Variants in STK31 observed in about 807,000 individuals in gnomAD.
The protein encoded by STK31 is serine/threonine-protein kinase 31.
A neutral mutation model predicts 129.7 loss-of-function variants in STK31; 89 were observed. That is an observed-to-expected ratio of 0.69 (90% CI 0.58 to 0.82). The LOEUF (loss-of-function observed/expected upper bound fraction) is 0.82. Among genes scored for constraint, STK31 ranks in the 40% least tolerant of loss-of-function variants. The pLI is 0.00. For missense variants in STK31, 1,187 were observed against 1,176.4 expected (o/e 1.01, Z -0.13); for synonymous variants, 448 against 395.3 (o/e 1.13, Z -1.58).
At chr7:23,799,944 CA>C (rs1306066359) in intron 22 of STK31, among the ~76,000 whole-genome samples, 1 of 152,166 alleles carries the variant, frequency 6.6e-6, no homozygotes, top group Non-Finnish European at 1.5e-5. Flanking sequence ...CGACACTTCT[CA>C]AAAGAAGACA....
At position 23,813,086 on chromosome 7, in the gene STK31, T is replaced by TTA. The variant is rs200462721; in HGVS notation, c.2761-2057_2761-2056insAT. Among the ~76,000 whole-genome samples the TTA allele has an allele frequency of 7.3e-3, 879 of 121,102 alleles. 12 individuals are homozygous for TTA. The highest frequency in any genetic ancestry group is 0.031 in the African/African-American group (836 of 26,596). 79.4% of individuals were successfully genotyped at this position (121,102 alleles called of 152,430 possible). The stretch of plus-strand genomic sequence containing the variant: ...CCTTGAGGCTCTCTGTTCTTTTTTT[T>TTA]TTTTTTTTTTTTGTCTGTTTTCTCT... On this transcript the variant is annotated intron_variant, in intron 22 of 23. Coordinates refer to ENST00000355870, the MANE Select transcript of STK31 (RefSeq NM_031414.5).
At chr7:23,718,369 ATATATCTCT>A (rs935072626) in intron 4 of STK31, among the ~76,000 whole-genome samples, 4 of 152,160 alleles carry the variant, frequency 2.6e-5, no homozygotes, top group Admixed American at 2.6e-4. Flanking sequence ...ACAGTAAGGT[ATATATCTCT>A]TAAGATCCTA....
chr7:23,775,247 A>G (rs11761765), intron 15 of STK31, among the ~76,000 whole-genome samples: 26,516 of 151,996 alleles, frequency 0.17, 2,329 homozygotes, highest in East Asian at 0.22. Flanking sequence ...TAGTATAGTT[A>G]AAGTCAGGTA....
intron 22 of STK31, among the ~76,000 whole-genome samples, chr7:23,798,823 A>T (rs1433384422): frequency 6.6e-6 from 1 of 152,240 alleles, no homozygotes; most frequent in East Asian, 1.9e-4. Flanking sequence ...TGTGCAGATG[A>T]CATGATTGTA....
Position 23,769,646 on chromosome 7 carries a change from G to C in STK31, c.1603G>C (p.Asp535His). ...GTTTATTTTTGCAAATGAGGTTTTT[G>C]ACCTATCTGTGGAAGGATCACTGAT... ...AWFQRTLKVF[D>H]LSVEGSLISE... The change falls in exon 13 of 24, where the codon GAC becomes CAC. Residue 535 changes from aspartate (D) to histidine (H), a missense_variant. By Grantham distance (81) the Asp-to-His change is moderately conservative. Coordinates refer to ENST00000355870, the MANE Select transcript of STK31 (RefSeq NM_031414.5). 1 of 1,604,086 alleles carries C rather than the reference G, an allele frequency of 6.2e-7. No individual in the cohort carries two copies.
At chr7:23,786,421 T>A in intron 18 of STK31, 87 bp from the exon 19 acceptor site, 1 of 1,276,190 alleles carries the variant, frequency 7.8e-7, no homozygotes. Flanking sequence ...TAACTTAAAA[T>A]AATGAATTAT....
At chr7:23,798,071 A>T (rs192467747) in intron 22 of STK31, among the ~76,000 whole-genome samples, 15 of 152,340 alleles carry the variant, frequency 9.8e-5, no homozygotes, top group African/African-American at 3.4e-4. Flanking sequence ...ATCCCTGAAT[A>T]GACCAACAAT....
intron 22 of STK31, chr7:23,811,067 CG>C (rs1321204485): frequency 6.3e-6 from 1 of 158,654 alleles, no homozygotes; most frequent in African/African-American, 2.4e-5. Flanking sequence ...GTCTAAAGGC[CG>C]GGTGTTGTGT....
intron 18 of STK31, 141 bp from the exon 19 acceptor site, chr7:23,786,367 T>C: frequency 1.1e-6 from 1 of 914,524 alleles, no homozygotes; most frequent in Non-Finnish European, 1.4e-6. Context: ...TCAAAGAAGA[T>C]AGAAAAGTAC....
At position 23,754,373 on chromosome 7, in the gene STK31, G is replaced by A. The variant is rs933059550; in HGVS notation, c.1192G>A (p.Asp398Asn). 15 of 1,613,922 alleles carry A rather than the reference G, an allele frequency of 9.3e-6. No individual in the cohort carries two copies. Among genetic ancestry groups the A allele is most frequent in the Non-Finnish European group, 1.1e-5 (13 of 1,179,984 alleles). ...KDLSDAIQVL[D>N]EGCFTTPASL... ...CCTTTCAGATGCTATACAAGTGTTG[G>A]ATGAAGGGTGCTTTACTACTCCAGC... The change falls in exon 10 of 24, where the codon GAT becomes AAT. Residue 398 changes from aspartate (D) to asparagine (N), a missense_variant. Coordinates refer to ENST00000355870, the MANE Select transcript of STK31 (RefSeq NM_031414.5).
intron 15 of STK31, among the ~76,000 whole-genome samples, chr7:23,776,658 TG>T (rs1790566375): frequency 6.6e-6 from 1 of 152,234 alleles, no homozygotes; most frequent in African/African-American, 2.4e-5. Context: ...CTTGGATTTC[TG>T]TGGGATCAGT....
chr7:23,786,571 G>A lies in STK31; in HGVS notation c.2338G>A (p.Ala780Thr), dbSNP rs140033986. 3.8e-4 allele frequency: 607 copies of A among 1,613,804 alleles called. 1 individual carries two copies. Among genetic ancestry groups the A allele is most frequent in the Non-Finnish European group, 4.8e-4 (564 of 1,179,828 alleles). Reference protein sequence around the residue: ...VIERAATYHRAWREAEGDSGL... With the variant: ...VIERAATYHRTWREAEGDSGL... ...TGAGAGAGCAGCCACCTACCATAGAGCTTGGAGAGAAGCTGAAGGAGACTC... is the reference window on the plus strand; with the variant it reads ...TGAGAGAGCAGCCACCTACCATAGAACTTGGAGAGAAGCTGAAGGAGACTC... Residue 780 changes from alanine (A) to threonine (T), a missense_variant, in exon 19 of 24, where the codon GCT becomes ACT. Coordinates refer to ENST00000355870, the MANE Select transcript of STK31 (RefSeq NM_031414.5).
intron 16 of STK31, 100 bp downstream of exon 16, chr7:23,781,620 G>T: frequency 1.3e-6 from 1 of 764,636 alleles, no homozygotes; most frequent in East Asian, 2.8e-5. Flanking sequence ...AAGGCTAGAG[G>T]TATTATATAG....
intron 18 of STK31, among the ~76,000 whole-genome samples, chr7:23,785,849 T>TG: frequency 4.5e-5 from 2 of 44,268 alleles, no homozygotes; most frequent in East Asian, 5.8e-4. Flanking sequence ...TGTCATGGGG[T>TG]GGGGGGCAGG....
At chr7:23,827,128 A>G (rs948444534) in intron 23 of STK31, among the ~76,000 whole-genome samples, 3 of 152,024 alleles carry the variant, frequency 2.0e-5, no homozygotes, top group African/African-American at 7.2e-5. Flanking sequence ...TATTTCCTGA[A>G]TTTGAATGTT....
chr7:23,710,909 AAGTTATTACAGCTTTTCAGTC>A, intron 1 of STK31: 1 of 597,758 alleles, frequency 1.7e-6, no homozygotes, highest in Non-Finnish European at 2.1e-6. Flanking sequence ...GTCTCCCTAA[AAGTTATTACAGCTTTTCAGTC>A]AGTTGAATTT....
intron 22 of STK31, among the ~76,000 whole-genome samples, chr7:23,793,609 C>T (rs1431089472): frequency 6.6e-6 from 1 of 152,178 alleles, no homozygotes; most frequent in East Asian, 1.9e-4. Context: ...AAGGTGTCCA[C>T]ATGGCATGTA....
chr7:23,750,875 G>T (rs1174299142), intron 8 of STK31, among the ~76,000 whole-genome samples: 2 of 152,160 alleles, frequency 1.3e-5, no homozygotes. Flanking sequence ...ATTTCTGTGT[G>T]TTGGGAACAT....
Position 23,783,611 on chromosome 7 carries a change from G to T in STK31, c.2096G>T (p.Trp699Leu), listed in dbSNP as rs772027947. ...ATGCTAACTAGTTTGGCACAGAAAT[G>T]GTTCCCTGAGCTGCCTCTGCTTCAT... ...YEMLTSLAQK[W>L]FPELPLLHPE... The change falls in exon 17 of 24, where the codon TGG (tryptophan) becomes TTG (leucine). Residue 699 changes from tryptophan (W) to leucine (L), a missense_variant. By Grantham distance (61) the Trp-to-Leu change is moderately conservative. Coordinates refer to ENST00000355870, the MANE Select transcript of STK31 (RefSeq NM_031414.5). 30 of 1,611,288 alleles carry T rather than the reference G, an allele frequency of 1.9e-5. No individual in the cohort carries two copies. The East Asian group carries it at 6.5e-4, about 35-fold the overall frequency.
Sources: gnomAD v4.1 joint callset for allele counts (sites outside exome capture counted in the v4.1 genomes callset) on GRCh38, gnomAD v4.1.1 for gene constraint, MANE v1.5 for transcripts, NCBI Gene and HGNC (gene_info 2026-07-23, HGNC 2026-07-21) for gene names.